KHDRBS2: variants seen among roughly 807,000 people sequenced by gnomAD.
KHDRBS2 encodes the protein KH RNA binding domain containing, signal transduction associated 2.
A neutral mutation model predicts 44.3 loss-of-function variants in KHDRBS2; 26 were observed. That is an observed-to-expected ratio of 0.59 (90% CI 0.43 to 0.81). KHDRBS2 has a LOEUF of 0.81. Among genes scored for constraint, KHDRBS2 ranks in the 40% least tolerant of loss-of-function variants. The pLI is 0.00. For synonymous variants in KHDRBS2, 194 were observed against 151.1 expected (o/e 1.28, Z -2.08); for missense variants, 476 against 433.1 (o/e 1.10, Z -0.88).
chr6:62,254,787 A>G (rs1215352041), intron 1 of KHDRBS2, among the ~76,000 whole-genome samples: 32 of 152,006 alleles, frequency 2.1e-4, no homozygotes, highest in Admixed American at 2.1e-3. Flanking sequence ...GAGCTTGGAG[A>G]AGACTGGCAA....
At chr6:61,902,738 CTAAAAAT>C in intron 4 of KHDRBS2, among the ~76,000 whole-genome samples, 2 of 152,186 alleles carry the variant, frequency 1.3e-5, no homozygotes, top group South Asian at 4.2e-4. Context: ...AGCAGTGAGA[CTAAAAAT>C]TAATATTATC....
At chr6:62,270,995 T>C (rs1840004724) in intron 1 of KHDRBS2, among the ~76,000 whole-genome samples, 1 of 152,160 alleles carries the variant, frequency 6.6e-6, no homozygotes. Flanking sequence ...CAGCATTTTT[T>C]ACCATATTCC....
chr6:61,980,538 T>G (rs2127404681), intron 3 of KHDRBS2, among the ~76,000 whole-genome samples: 1 of 152,272 alleles, frequency 6.6e-6, no homozygotes, highest in Admixed American at 6.5e-5. Flanking sequence ...TTTGAATGGG[T>G]TTCTTTATAA....
At chr6:62,113,199 T>C (rs1373037022) in intron 2 of KHDRBS2, among the ~76,000 whole-genome samples, 1 of 152,084 alleles carries the variant, frequency 6.6e-6, no homozygotes, top group East Asian at 1.9e-4. Context: ...ATGGACATTC[T>C]TTAAGCACAT....
intron 3 of KHDRBS2, among the ~76,000 whole-genome samples, chr6:61,981,810 A>T (rs1241761749): frequency 2.0e-5 from 3 of 152,182 alleles, no homozygotes; most frequent in Non-Finnish European, 4.4e-5. Context: ...TATGGGAAGC[A>T]TTGTCAAATA....
chr6:62,281,895 T>C (rs1841861781), intron 1 of KHDRBS2, among the ~76,000 whole-genome samples: 1 of 152,180 alleles, frequency 6.6e-6, no homozygotes, highest in African/African-American at 2.4e-5. Context: ...CACTATATCA[T>C]AAATTGTCTT....
chr6:62,021,044 C>T (rs1186160757), intron 3 of KHDRBS2, among the ~76,000 whole-genome samples: 2 of 151,980 alleles, frequency 1.3e-5, no homozygotes, highest in Non-Finnish European at 2.9e-5. Context: ...AAATATTATG[C>T]ACCCATGGAA....
chr6:61,583,897 GT>G, the KHDRBS2 span, among the ~76,000 whole-genome samples: 25,912 of 151,150 alleles, frequency 0.17, 2,449 homozygotes, highest in East Asian at 0.29. Context: ...ATGTTTCATA[GT>G]TTTTAATGTA....
chr6:62,026,031 A>G (rs1388868783), intron 3 of KHDRBS2, among the ~76,000 whole-genome samples: 1 of 152,104 alleles, frequency 6.6e-6, no homozygotes, highest in African/African-American at 2.4e-5. Context: ...ATTAGTATTC[A>G]AATTATTGAT....
chr6:61,976,867 C>T (rs552864443), intron 4 of KHDRBS2, among the ~76,000 whole-genome samples: 18 of 152,164 alleles, frequency 1.2e-4, no homozygotes, highest in African/African-American at 1.9e-4. Flanking sequence ...GAAAATAAAA[C>T]GTAGCATCCT....
intron 7 of KHDRBS2, among the ~76,000 whole-genome samples, chr6:61,707,021 G>A (rs1401881836): frequency 5.3e-5 from 8 of 151,638 alleles, no homozygotes; most frequent in African/African-American, 1.9e-4. Context: ...TTAAGTTTTG[G>A]GATAAAGGTA....
At chr6:62,222,683 G>T (rs1162083032) in intron 1 of KHDRBS2, among the ~76,000 whole-genome samples, 1 of 152,106 alleles carries the variant, frequency 6.6e-6, no homozygotes, top group East Asian at 1.9e-4. Context: ...AAGTCAATTG[G>T]CCTTGGGTAA....
At chr6:62,070,760 T>C (rs1794855742) in intron 2 of KHDRBS2, among the ~76,000 whole-genome samples, 1 of 152,206 alleles carries the variant, frequency 6.6e-6, no homozygotes. Flanking sequence ...TTGGGTTGGT[T>C]CCAAGTCTTT....
intron 3 of KHDRBS2, among the ~76,000 whole-genome samples, chr6:62,036,982 T>C (rs918529451): frequency 2.4e-4 from 36 of 152,118 alleles, no homozygotes; most frequent in African/African-American, 7.0e-4. Context: ...CATAATATTC[T>C]GAAACTAAAT....
Position 61,680,803 on chromosome 6 carries a change from G to A in KHDRBS2, c.*160C>T. The A allele has an allele frequency of 5.3e-6, 3 of 568,926 alleles. No homozygotes were observed. The South Asian group carries it at 6.7e-5, about 13-fold the overall frequency. 35.2% of individuals were successfully genotyped at this position (568,926 alleles called of 1,614,324 possible). On this transcript the variant is annotated 3_prime_UTR_variant, in exon 9 of 9. Coordinates refer to ENST00000281156, the MANE Select transcript of KHDRBS2 (RefSeq NM_152688.4). ...GTGTCAATGTCACGCCAACAGTACA[G>A]AGGGAAATACTAGAAATATATGGGA...
intron 3 of KHDRBS2, among the ~76,000 whole-genome samples, chr6:62,032,785 T>A (rs1486505081): frequency 2.0e-5 from 3 of 151,836 alleles, no homozygotes; most frequent in African/African-American, 4.8e-5. Context: ...AATATATACC[T>A]AACTCTTCAA....
chr6:61,891,104 G>T (rs1470152317), intron 6 of KHDRBS2, among the ~76,000 whole-genome samples: 1 of 152,122 alleles, frequency 6.6e-6, no homozygotes, highest in Non-Finnish European at 1.5e-5. Flanking sequence ...TATATTTGAA[G>T]AGTTTACATT....
At chr6:61,811,219 G>C (rs1227782306) in intron 6 of KHDRBS2, among the ~76,000 whole-genome samples, 1 of 152,012 alleles carries the variant, frequency 6.6e-6, no homozygotes, top group East Asian at 1.9e-4. Flanking sequence ...TTGGTTTCCT[G>C]TTTTTGCATT....
intron 6 of KHDRBS2, among the ~76,000 whole-genome samples, chr6:61,853,652 T>A (rs1292412534): frequency 6.6e-6 from 1 of 152,196 alleles, no homozygotes; most frequent in Non-Finnish European, 1.5e-5. Flanking sequence ...AGATACTGTC[T>A]CTGTATCCAC....
Sources: gnomAD v4.1 joint callset for allele counts (sites outside exome capture counted in the v4.1 genomes callset) on GRCh38, gnomAD v4.1.1 for gene constraint, MANE v1.5 for transcripts, NCBI Gene and HGNC (gene_info 2026-07-23, HGNC 2026-07-21) for gene names.